The following PRKN variants were observed in gnomAD, a reference collection of about 807,000 sequenced individuals.
PRKN encodes the protein E3 ubiquitin-protein ligase parkin.
PRKN carries 56 observed loss-of-function variants against 59.5 expected under a neutral mutation model. That is an observed-to-expected ratio of 0.94 (90% confidence interval 0.76 to 1.18). The LOEUF is 1.18. Among genes scored for constraint, PRKN ranks in the 50% most tolerant of loss-of-function variants. The pLI is 0.00. For synonymous variants in PRKN, 250 were observed against 222.1 expected (o/e 1.13, Z -1.12); for missense variants, 657 against 596.4 (o/e 1.10, Z -1.06).
At chr6:161,861,131 G>A (rs926138488) in intron 6 of PRKN, among the ~76,000 whole-genome samples, 6 of 152,116 alleles carry the variant, frequency 3.9e-5, no homozygotes, top group African/African-American at 1.2e-4. Flanking sequence ...ACATGCACAC[G>A]TACGTTTATT....
At chr6:162,673,227 C>T (rs980218838) in intron 1 of PRKN, among the ~76,000 whole-genome samples, 6 of 152,116 alleles carry the variant, frequency 3.9e-5, no homozygotes, top group African/African-American at 1.4e-4. Flanking sequence ...TGAGGTGCTT[C>T]GAGGCAGAAA....
At chr6:161,970,207 A>G (rs1315396119) in intron 6 of PRKN, among the ~76,000 whole-genome samples, 5 of 151,688 alleles carry the variant, frequency 3.3e-5, no homozygotes, top group African/African-American at 1.2e-4. Context: ...ATGCCTGGCT[A>G]ATTTTTATAT....
At chr6:162,319,125 A>G (rs1253248724) in intron 2 of PRKN, among the ~76,000 whole-genome samples, 1 of 152,034 alleles carries the variant, frequency 6.6e-6, no homozygotes, top group Non-Finnish European at 1.5e-5. Flanking sequence ...ATTTTTTTAT[A>G]ATAGTGTGTA....
intron 4 of PRKN, among the ~76,000 whole-genome samples, chr6:162,131,704 C>T (rs1228685997): frequency 6.6e-6 from 1 of 152,132 alleles, no homozygotes; most frequent in Non-Finnish European, 1.5e-5. Context: ...GCCTTAGAAA[C>T]AAGCCTTAAA....
intron 7 of PRKN, among the ~76,000 whole-genome samples, chr6:161,635,017 G>A (rs1783461501): frequency 1.3e-5 from 2 of 152,108 alleles, no homozygotes; most frequent in Non-Finnish European, 1.5e-5. Flanking sequence ...CGGTGAGGCC[G>A]ATGCTCCTTC....
At chr6:161,441,275 T>A (rs1285160624) in intron 9 of PRKN, among the ~76,000 whole-genome samples, 1 of 152,130 alleles carries the variant, frequency 6.6e-6, no homozygotes, top group Non-Finnish European at 1.5e-5. Context: ...TCCATGGCAG[T>A]TTGGGATGTG....
At chr6:161,753,304 G>A (rs112890592) in intron 7 of PRKN, among the ~76,000 whole-genome samples, 11 of 152,068 alleles carry the variant, frequency 7.2e-5, no homozygotes, top group African/African-American at 2.7e-4. Context: ...ACACAGAGAG[G>A]GCATGGAGAT....
chr6:161,702,158 C>G (rs1482976300), intron 7 of PRKN, among the ~76,000 whole-genome samples: 4 of 152,138 alleles, frequency 2.6e-5, no homozygotes, highest in Non-Finnish European at 5.9e-5. Flanking sequence ...TACTGCTAGA[C>G]ACATAAGAAG....
At chr6:162,658,705 A>G (rs560337303) in intron 1 of PRKN, among the ~76,000 whole-genome samples, 112 of 151,322 alleles carry the variant, frequency 7.4e-4, no homozygotes, top group African/African-American at 2.6e-3. Flanking sequence ...AAAGAAAAAG[A>G]AAACAAAAGA....
intron 7 of PRKN, among the ~76,000 whole-genome samples, chr6:161,570,146 A>AAAAAAATATAT (rs869285771): frequency 1.4e-4 from 11 of 76,580 alleles, no homozygotes; most frequent in African/African-American, 7.5e-4. Context: ...AAAAAAAAAA[A>AAAAAAATATAT]ATATATATAT....
intron 6 of PRKN, among the ~76,000 whole-genome samples, chr6:161,897,484 T>C (rs1056619626): frequency 6.6e-6 from 1 of 152,198 alleles, no homozygotes; most frequent in African/African-American, 2.4e-5. Context: ...AAGAGAAGAA[T>C]GCTTCATTGG....
At chr6:161,586,916 C>T (rs552356911) in intron 7 of PRKN, among the ~76,000 whole-genome samples, 142 of 152,276 alleles carry the variant, frequency 9.3e-4, no homozygotes, top group African/African-American at 2.6e-3. Context: ...ATGGTCTAGA[C>T]ACTAGCAAGC....
chr6:162,230,032 C>T (rs1778355453), intron 3 of PRKN, among the ~76,000 whole-genome samples: 1 of 152,196 alleles, frequency 6.6e-6, no homozygotes, highest in Non-Finnish European at 1.5e-5. Context: ...TTGAAGGAAA[C>T]ATAATTGAAT....
At chr6:162,110,413 T>C (rs1426363268) in intron 4 of PRKN, among the ~76,000 whole-genome samples, 3 of 152,222 alleles carry the variant, frequency 2.0e-5, no homozygotes, top group Admixed American at 1.3e-4. Context: ...AAGCAAGGAC[T>C]CAAAGACCAA....
At chr6:161,790,484 T>A (rs1332688381) in intron 6 of PRKN, among the ~76,000 whole-genome samples, 1 of 152,118 alleles carries the variant, frequency 6.6e-6, no homozygotes, top group Non-Finnish European at 1.5e-5. Context: ...AAAATCCTTA[T>A]CTCCAAAATG....
At chr6:161,678,175 C>A (rs1785158211) in intron 7 of PRKN, among the ~76,000 whole-genome samples, 1 of 134,870 alleles carries the variant, frequency 7.4e-6, no homozygotes, top group South Asian at 2.5e-4. Flanking sequence ...GCTTAGAACA[C>A]AATTTATCTG....
chr6:162,646,093 C>T (rs796380742), intron 1 of PRKN, among the ~76,000 whole-genome samples: 6 of 151,884 alleles, frequency 4.0e-5, no homozygotes, highest in South Asian at 2.1e-4. Flanking sequence ...AGGATGGTCT[C>T]GATCTCCTGA....
intron 9 of PRKN, among the ~76,000 whole-genome samples, chr6:161,432,600 T>C (rs1382685267): frequency 6.6e-6 from 1 of 150,500 alleles, no homozygotes; most frequent in Admixed American, 6.7e-5. Flanking sequence ...CAGGCTGGTC[T>C]CTAACTCCTG....
chr6:162,498,392 C>CTTTTTTT (rs1562332523), intron 1 of PRKN, among the ~76,000 whole-genome samples: 4 of 39,336 alleles, frequency 1.0e-4, no homozygotes, highest in Non-Finnish European at 1.2e-4. Context: ...TTCTTTCTTT[C>CTTTTTTT]CTTTTTTTTT....
Sources: gnomAD v4.1 joint callset for allele counts (sites outside exome capture counted in the v4.1 genomes callset) on GRCh38, gnomAD v4.1.1 for gene constraint, MANE v1.5 for transcripts, NCBI Gene and HGNC (gene_info 2026-07-23, HGNC 2026-07-21) for gene names.